Variants in GABRG3 observed in about 807,000 individuals in gnomAD.
The protein encoded by GABRG3 is gamma-aminobutyric acid type A receptor subunit gamma3, also known as gamma-aminobutyric acid receptor subunit gamma-3.
GABRG3 carries 25 observed loss-of-function variants against 48.8 expected under a neutral mutation model. That is an observed-to-expected ratio of 0.51 (90% CI 0.37 to 0.72). The LOEUF is 0.72. Ranked by LOEUF, GABRG3 falls within the 30% of genes least tolerant of loss-of-function variation. GABRG3 has a pLI of 0.00. For synonymous variants in GABRG3, 227 were observed against 217.6 expected, an observed-to-expected ratio of 1.04 and a Z score of -0.38; for missense variants, 394 against 577.9, an observed-to-expected ratio of 0.68 and a Z score of 3.26.
chr15:27,278,154 C>T lies in GABRG3; in HGVS notation c.271-48655C>T, dbSNP rs532669389. On this transcript the variant is annotated intron_variant, in intron 3 of 9. Coordinates refer to ENST00000615808, the MANE Select transcript of GABRG3 (RefSeq NM_033223.5). Reference sequence around the variant, plus strand: ...GCAACCTCCCCATCCCGGGTTCAAACGATTCTTCTGCCTTAGCCTCCTGAG... The same window carrying T: ...GCAACCTCCCCATCCCGGGTTCAAATGATTCTTCTGCCTTAGCCTCCTGAG... 7.2e-5 allele frequency among the ~76,000 whole-genome samples: 11 copies of T among 151,972 alleles called. No homozygotes were observed. The South Asian group carries it at 2.1e-3, about 29-fold the overall frequency.
intron 3 of GABRG3, among the ~76,000 whole-genome samples, chr15:27,182,642 T>G (rs1446621752): frequency 6.6e-6 from 1 of 152,040 alleles, no homozygotes; most frequent in Non-Finnish European, 1.5e-5. Context: ...AGGGGGTGCT[T>G]AGCTGAGAGG....
intron 2 of GABRG3, among the ~76,000 whole-genome samples, chr15:26,977,704 GCTT>G (rs1443095514): frequency 1.3e-5 from 2 of 152,086 alleles, no homozygotes; most frequent in African/African-American, 4.8e-5. Context: ...GTGTATCACA[GCTT>G]CTTTAGCCAT....
intron 2 of GABRG3, among the ~76,000 whole-genome samples, chr15:26,994,690 G>A (rs1895308499): frequency 6.6e-6 from 1 of 151,876 alleles, no homozygotes; most frequent in Non-Finnish European, 1.5e-5. Flanking sequence ...AGTGAGTTTT[G>A]TACCTTTAAA....
At chr15:27,418,645 G>A (rs186350301) in intron 5 of GABRG3, among the ~76,000 whole-genome samples, 5 of 152,310 alleles carry the variant, frequency 3.3e-5, no homozygotes, top group South Asian at 2.1e-4. Flanking sequence ...CATATCCCCC[G>A]TTAGCTTCTA....
chr15:27,195,986 G>T (rs1888485295), intron 3 of GABRG3, among the ~76,000 whole-genome samples: 1 of 152,088 alleles, frequency 6.6e-6, no homozygotes, highest in Non-Finnish European at 1.5e-5. Flanking sequence ...CTGAAGATTT[G>T]GGATATTATG....
At chr15:27,412,210 C>T (rs1430128275) in intron 5 of GABRG3, among the ~76,000 whole-genome samples, 1 of 152,092 alleles carries the variant, frequency 6.6e-6, no homozygotes, top group Non-Finnish European at 1.5e-5. Flanking sequence ...ATTCCCTTCC[C>T]TCATTTCCCC....
At position 27,284,747 on chromosome 15, in the gene GABRG3, A is replaced by G. The variant is rs1488185833; in HGVS notation, c.271-42062A>G. Among the ~76,000 whole-genome samples the G allele has an allele frequency of 2.6e-5, 4 of 152,334 alleles. No individual in the cohort carries two copies. In the East Asian group the frequency reaches 5.8e-4, roughly 22 times the overall value. On this transcript the variant is annotated intron_variant, in intron 3 of 9. Transcript: ENST00000615808. ...CTAGATAATTTGACCAGCGATCTGC[A>G]GACAGGACTGTTGCTTCTTTCCTCA...
chr15:27,431,036 T>TC (rs2140622934), intron 5 of GABRG3, among the ~76,000 whole-genome samples: 1 of 150,096 alleles, frequency 6.7e-6, no homozygotes, highest in East Asian at 1.9e-4. Context: ...AATAAATAAA[T>TC]AAATCAGTAG....
intron 3 of GABRG3, among the ~76,000 whole-genome samples, chr15:27,203,147 C>G (rs977569217): frequency 1.3e-5 from 2 of 152,052 alleles, no homozygotes; most frequent in African/African-American, 4.8e-5. Flanking sequence ...TTTTGTCATC[C>G]AAGGAATCAG....
At chr15:27,033,104 A>T (rs865866627) in intron 3 of GABRG3, among the ~76,000 whole-genome samples, 7 of 152,180 alleles carry the variant, frequency 4.6e-5, no homozygotes, top group Non-Finnish European at 1.0e-4. Context: ...TTCTTCTCTG[A>T]CATTCATATT....
chr15:27,142,044 C>T (rs567140270), intron 3 of GABRG3, among the ~76,000 whole-genome samples: 1 of 152,000 alleles, frequency 6.6e-6, no homozygotes, highest in Non-Finnish European at 1.5e-5. Flanking sequence ...ACACATTCAC[C>T]TTGATTTTAA....
At chr15:27,437,525 A>G (rs897119530) in intron 5 of GABRG3, among the ~76,000 whole-genome samples, 16 of 151,916 alleles carry the variant, frequency 1.1e-4, no homozygotes, top group Admixed American at 4.6e-4. Flanking sequence ...TTTTTTTTCC[A>G]GTCATTCTTT....
rs1348274669 is a variant in GABRG3, at chr15:27,536,457, T to C, written c.*3576T>C. 2 of 152,212 alleles carry C rather than the reference T, an allele frequency of 1.3e-5. No homozygotes were observed. Among genetic ancestry groups the C allele is most frequent in the Admixed American group, 1.3e-4 (2 of 15,284 alleles). The allele number at this position is 152,212 out of a possible 1,614,324, so 9.4% of individuals were successfully genotyped here. A position where few individuals can be genotyped will look rare whatever the true frequency, so the allele number is the denominator to read the frequency against. On this transcript the variant is annotated 3_prime_UTR_variant, in exon 10 of 10. Coordinates refer to ENST00000615808, the MANE Select transcript of GABRG3 (RefSeq NM_033223.5). Reference sequence around the variant, plus strand: ...GTTAGCTATATTTCATGCCAAGTTTTATTTATCTTTTATGAATGGATGGAA... The same window carrying C: ...GTTAGCTATATTTCATGCCAAGTTTCATTTATCTTTTATGAATGGATGGAA...
chr15:27,066,572 C>T (rs913038325), intron 3 of GABRG3, among the ~76,000 whole-genome samples: 1 of 152,040 alleles, frequency 6.6e-6, no homozygotes. Flanking sequence ...CTCAGGCCAC[C>T]AGAAGGACTT....
chr15:27,153,791 CTTAT>C (rs1048601885), intron 3 of GABRG3, among the ~76,000 whole-genome samples: 14 of 152,034 alleles, frequency 9.2e-5, no homozygotes, highest in Non-Finnish European at 4.4e-5. Context: ...GTGTTGTGTA[CTTAT>C]TTAGAGTCCC....
At chr15:27,441,401 AGCTTTTGAGATG>A (rs1427719594) in intron 5 of GABRG3, among the ~76,000 whole-genome samples, 2 of 152,144 alleles carry the variant, frequency 1.3e-5, no homozygotes, top group Non-Finnish European at 2.9e-5. Flanking sequence ...AGCACAGAAC[AGCTTTTGAGATG>A]GTTTTGTTTC....
intron 3 of GABRG3, among the ~76,000 whole-genome samples, chr15:27,146,459 AAAC>A (rs556609379): frequency 6.6e-5 from 10 of 152,240 alleles, no homozygotes; most frequent in South Asian, 2.1e-4. Flanking sequence ...TCTGTCTCAA[AAAC>A]AACAACAACA....
At chr15:27,124,433 C>T (rs1450901597) in intron 3 of GABRG3, among the ~76,000 whole-genome samples, 1 of 152,182 alleles carries the variant, frequency 6.6e-6, no homozygotes, top group Non-Finnish European at 1.5e-5. Context: ...CAAACCACCT[C>T]TCCTCCTAGC....
chr15:27,053,792 TAAGA>T (rs1896493887), intron 3 of GABRG3, among the ~76,000 whole-genome samples: 1 of 152,210 alleles, frequency 6.6e-6, no homozygotes. Context: ...GCGCAGCCAT[TAAGA>T]AAGAATGAAG....
Sources: gnomAD v4.1 joint callset for allele counts (sites outside exome capture counted in the v4.1 genomes callset) on GRCh38, gnomAD v4.1.1 for gene constraint, MANE v1.5 for transcripts, NCBI Gene and HGNC (gene_info 2026-07-23, HGNC 2026-07-21) for gene names.